The following PTGFRN variants were observed in gnomAD, a reference collection of about 807,000 sequenced individuals.
The protein encoded by PTGFRN is prostaglandin F2 receptor inhibitor.
In PTGFRN, 35 loss-of-function variants were observed where a neutral mutation model predicts 83.2. The ratio of observed to expected loss-of-function variants is 0.42; its 90% CI spans 0.32 to 0.56. The LOEUF is 0.56. Ranked by LOEUF, PTGFRN falls within the 20% of genes least tolerant of loss-of-function variation. The pLI is 0.11. For synonymous variants in PTGFRN, 519 were observed against 498.6 expected, an observed-to-expected ratio of 1.04 and a Z score of -0.55; for missense variants, 1,051 against 1,179.5, an observed-to-expected ratio of 0.89 and a Z score of 1.60.
chr1:116,968,128 A>G (rs1650892330), intron 6 of PTGFRN, among the ~76,000 whole-genome samples: 1 of 152,170 alleles, frequency 6.6e-6, no homozygotes, highest in Admixed American at 6.5e-5. Flanking sequence ...TTTAAACCCC[A>G]ATCTTATTTA....
intron 6 of PTGFRN, 62 bp from the exon 7 acceptor site, chr1:116,974,154 A>G: frequency 7.6e-7 from 1 of 1,322,288 alleles, no homozygotes; most frequent in Non-Finnish European, 1.1e-6. Flanking sequence ...TTAGAGTGCA[A>G]AGAATGGAAT....
intron 6 of PTGFRN, among the ~76,000 whole-genome samples, chr1:116,973,091 T>C (rs1227614842): frequency 6.6e-6 from 1 of 152,178 alleles, no homozygotes; most frequent in Non-Finnish European, 1.5e-5. Flanking sequence ...CGTGCTCAGC[T>C]AATTTTTGTA....
chr1:116,950,546 T>G (rs1650317043), intron 4 of PTGFRN, among the ~76,000 whole-genome samples: 2 of 152,236 alleles, frequency 1.3e-5, no homozygotes, highest in African/African-American at 2.4e-5. Flanking sequence ...ATTTCCTCCT[T>G]TGTCTGATTC....
At chr1:116,981,943 A>C (rs1226179768) in intron 7 of PTGFRN, among the ~76,000 whole-genome samples, 4 of 152,110 alleles carry the variant, frequency 2.6e-5, no homozygotes, top group Non-Finnish European at 5.9e-5. Flanking sequence ...AGTTTATGGG[A>C]GATGTTAGAA....
intron 4 of PTGFRN, among the ~76,000 whole-genome samples, chr1:116,956,182 A>G (rs1650483342): frequency 6.6e-6 from 1 of 152,248 alleles, no homozygotes; most frequent in Non-Finnish European, 1.5e-5. Flanking sequence ...AAGTTGAGCT[A>G]CAAGGCTGGT....
intron 2 of PTGFRN, 112 bp downstream of exon 2, chr1:116,942,195 T>C: frequency 7.5e-7 from 1 of 1,340,348 alleles, no homozygotes; most frequent in Non-Finnish European, 1.0e-6. Flanking sequence ...CTCCCTCCTC[T>C]GTCCAGGGGA....
At chr1:116,930,165 G>A (rs1453401387) in intron 1 of PTGFRN, among the ~76,000 whole-genome samples, 1 of 152,230 alleles carries the variant, frequency 6.6e-6, no homozygotes, top group African/African-American at 2.4e-5. Flanking sequence ...TCTGCCAGGA[G>A]CAAGTAGATG....
At chr1:116,978,032 A>G (rs1651206459) in intron 7 of PTGFRN, among the ~76,000 whole-genome samples, 1 of 152,254 alleles carries the variant, frequency 6.6e-6, no homozygotes. Flanking sequence ...AAAAAATGAT[A>G]AAGGGGATAT....
chr1:116,979,613 C>A (rs1327105142), intron 7 of PTGFRN, among the ~76,000 whole-genome samples: 7 of 152,102 alleles, frequency 4.6e-5, no homozygotes, highest in East Asian at 1.9e-4. Context: ...AAAAACAAGA[C>A]ATGGGGAAAG....
At chr1:116,969,388 C>G (rs1016685107) in intron 6 of PTGFRN, among the ~76,000 whole-genome samples, 1 of 152,028 alleles carries the variant, frequency 6.6e-6, no homozygotes, top group Non-Finnish European at 1.5e-5. Flanking sequence ...TTTTGGCACC[C>G]CTGTCAAAAA....
chr1:116,945,117 G>A, intron 3 of PTGFRN, 25 bp downstream of exon 3: 1 of 1,579,606 alleles, frequency 6.3e-7, no homozygotes, highest in Non-Finnish European at 8.6e-7. Context: ...ATGCGTTATA[G>A]GTGATGTTAT....
chr1:116,972,412 T>G (rs553640808), intron 6 of PTGFRN, among the ~76,000 whole-genome samples: 151 of 152,320 alleles, frequency 9.9e-4, no homozygotes, highest in Admixed American at 5.2e-3. Flanking sequence ...ATCCTTTACC[T>G]TTCTCCCAGG....
chr1:116,945,499 C>G (rs1356303449), intron 3 of PTGFRN, among the ~76,000 whole-genome samples: 2 of 152,282 alleles, frequency 1.3e-5, no homozygotes, highest in Admixed American at 1.3e-4. Context: ...TTGATGTTTC[C>G]TGAGTCCTTT....
intron 6 of PTGFRN, among the ~76,000 whole-genome samples, chr1:116,968,245 T>A (rs1650894551): frequency 6.6e-6 from 1 of 152,060 alleles, no homozygotes; most frequent in African/African-American, 2.4e-5. Flanking sequence ...ATGTATAAAT[T>A]AATACTTATC....
At chr1:116,921,026 A>G (rs1033583349) in intron 1 of PTGFRN, among the ~76,000 whole-genome samples, 3 of 152,230 alleles carry the variant, frequency 2.0e-5, no homozygotes, top group Non-Finnish European at 4.4e-5. Flanking sequence ...TTTGGTCTGA[A>G]CAAGGAAGGT....
intron 4 of PTGFRN, among the ~76,000 whole-genome samples, chr1:116,954,824 C>T (rs1309674557): frequency 1.3e-5 from 2 of 152,132 alleles, no homozygotes; most frequent in Non-Finnish European, 2.9e-5. Context: ...TGGAAATGTA[C>T]ATGAAAATAG....
At chr1:116,959,176 C>T (rs1171822890) in intron 4 of PTGFRN, among the ~76,000 whole-genome samples, 1 of 152,138 alleles carries the variant, frequency 6.6e-6, no homozygotes, top group African/African-American at 2.4e-5. Flanking sequence ...TCAGTTTTTG[C>T]TAGGGTGATG....
intron 3 of PTGFRN, among the ~76,000 whole-genome samples, 200 bp downstream of exon 3, chr1:116,945,292 A>G (rs570167325): frequency 1.9e-4 from 29 of 152,174 alleles, no homozygotes; most frequent in African/African-American, 6.5e-4. Context: ...TGTGCTGAGG[A>G]TGCCTGTCGT....
chr1:116,934,843 CT>C (rs1649882228), intron 1 of PTGFRN, among the ~76,000 whole-genome samples: 2 of 152,154 alleles, frequency 1.3e-5, no homozygotes, highest in African/African-American at 4.8e-5. Flanking sequence ...AGAAGCTCAT[CT>C]TTATCCAATG....
Sources: allele counts gnomAD v4.1 joint callset (sites outside exome capture counted in the v4.1 genomes callset), GRCh38; gene constraint gnomAD v4.1.1; transcripts MANE v1.5; gene names NCBI Gene and HGNC (gene_info 2026-07-23, HGNC 2026-07-21).